LRP2: variants seen among roughly 807,000 people sequenced by gnomAD.
The protein encoded by LRP2 is LDL receptor related protein 2, also known as low-density lipoprotein receptor-related protein 2.
LRP2 carries 172 observed loss-of-function variants against 531.0 expected under a neutral mutation model. The ratio of observed to expected loss-of-function variants is 0.32; its 90% CI spans 0.29 to 0.37. LRP2 has a LOEUF of 0.37. Among genes scored for constraint, LRP2 ranks in the 10% least tolerant of loss-of-function variants. LRP2 has a pLI of 1.00. For missense variants in LRP2, 5,167 were observed against 5,868.3 expected, an observed-to-expected ratio of 0.88 and a Z score of 3.90; for synonymous variants, 1,992 against 2,027.6, an observed-to-expected ratio of 0.98 and a Z score of 0.47.
In LRP2 at chr2:169,362,466, G is replaced by C. The variant is rs1182580549; in HGVS notation, c.-67C>G. On this transcript the variant is annotated 5_prime_UTR_variant, in exon 1 of 79. Coordinates refer to ENST00000649046, the MANE Select transcript of LRP2 (RefSeq NM_004525.3). ...GTGGGCGCGCGTAGCACACCGCACC[G>C]GCAGCGCCTCTGCTAGCGAACGCTC... 9 of 1,365,346 alleles carry C rather than the reference G, an allele frequency of 6.6e-6. No individual in the cohort carries two copies. The highest frequency in any genetic ancestry group is 9.1e-6 in the Non-Finnish European group (9 of 988,532). 84.6% of individuals were successfully genotyped at this position (1,365,346 alleles called of 1,614,324 possible). A position where few individuals can be genotyped will look rare whatever the true frequency, so the allele number is the denominator to read the frequency against.
chr2:169,355,869 T>A (rs2105583515), intron 1 of LRP2, among the ~76,000 whole-genome samples: 1 of 152,344 alleles, frequency 6.6e-6, no homozygotes, highest in East Asian at 1.9e-4. Flanking sequence ...TGGATCAACC[T>A]AATTATCTGT....
chr2:169,338,187 A>C (rs1359020206), intron 1 of LRP2, among the ~76,000 whole-genome samples: 1 of 150,794 alleles, frequency 6.6e-6, no homozygotes, highest in Non-Finnish European at 1.5e-5. Flanking sequence ...AAAGAAAGAA[A>C]GAGAGAAAGA....
intron 1 of LRP2, among the ~76,000 whole-genome samples, chr2:169,333,723 C>T (rs962809632): frequency 6.6e-6 from 1 of 152,058 alleles, no homozygotes; most frequent in Non-Finnish European, 1.5e-5. Flanking sequence ...GGTAGAATGA[C>T]CTTAAATTTC....
At chr2:169,128,858 C>T (rs756476519) in intron 78 of LRP2, 28 bp from the exon 79 acceptor site, 2 of 1,612,768 alleles carry the variant, frequency 1.2e-6, no homozygotes, top group Admixed American at 1.7e-5. Flanking sequence ...CAGGAATCAG[C>T]CATTTATTCC....
intron 68 of LRP2, 108 bp from the exon 69 acceptor site, chr2:169,147,067 C>A: frequency 1.2e-6 from 1 of 869,462 alleles, no homozygotes; most frequent in Non-Finnish European, 1.9e-6. Flanking sequence ...ATCTCAGGGA[C>A]CTGGGTGCTC....
intron 33 of LRP2, among the ~76,000 whole-genome samples, chr2:169,224,920 T>A (rs1559026715): frequency 6.6e-6 from 1 of 151,912 alleles, no homozygotes; most frequent in Non-Finnish European, 1.5e-5. Flanking sequence ...TGAAACCCCG[T>A]CTCTACTAAA....
intron 34 of LRP2, among the ~76,000 whole-genome samples, chr2:169,220,084 G>C (rs1020061292): frequency 6.6e-6 from 1 of 152,072 alleles, no homozygotes; most frequent in Admixed American, 6.6e-5. Flanking sequence ...CTACTAGAAG[G>C]CTTCTCATCC....
intron 3 of LRP2, 36 bp downstream of exon 3, chr2:169,318,726 A>G: frequency 6.2e-7 from 1 of 1,613,898 alleles, no homozygotes; most frequent in Non-Finnish European, 8.5e-7. Flanking sequence ...TTAGGTGTCC[A>G]CAAAGCCAAA....
At position 169,225,460 on chromosome 2, in the gene LRP2, A is replaced by G. The variant is rs1487062553; in HGVS notation, c.5395-7T>C. 2 of 1,613,936 alleles carry G rather than the reference A, an allele frequency of 1.2e-6. No individual in the cohort carries two copies. Reference sequence around the variant, plus strand: ...TCACTCTGTGAATTTCACCCTGGAAAGAAAGACAAGGGGAGGTGAGCAGTT... The same window carrying G: ...TCACTCTGTGAATTTCACCCTGGAAGGAAAGACAAGGGGAGGTGAGCAGTT... On this transcript the variant is annotated splice_region_variant and splice_polypyrimidine_tract_variant and intron_variant, in intron 32 of 78. Transcript: ENST00000649046.
At chr2:169,173,813 TC>T in intron 56 of LRP2, 105 bp downstream of exon 56, 1 of 1,490,180 alleles carries the variant, frequency 6.7e-7, no homozygotes, top group South Asian at 1.1e-5. Context: ...AGGGGGAGCA[TC>T]CCATCAGCTG....
At chr2:169,355,530 C>T (rs1257477617) in intron 1 of LRP2, among the ~76,000 whole-genome samples, 13 of 152,134 alleles carry the variant, frequency 8.5e-5, no homozygotes, top group African/African-American at 3.1e-4. Context: ...ACATCATGAC[C>T]CGGGATTCAG....
At chr2:169,155,059 A>G (rs1223905938) in intron 65 of LRP2, among the ~76,000 whole-genome samples, 1 of 152,214 alleles carries the variant, frequency 6.6e-6, no homozygotes, top group Non-Finnish European at 1.5e-5. Context: ...GATTCTTTTT[A>G]GCAGGTAATC....
At position 169,198,651 on chromosome 2, in the gene LRP2, C is replaced by T. The variant is rs1478446725; in HGVS notation, c.8578+135G>A. 8.0e-6 allele frequency: 8 copies of T among 1,006,002 alleles called. No homozygotes were observed. The Admixed American group carries it at 1.3e-4, about 16-fold the overall frequency. The allele number at this position is 1,006,002 out of a possible 1,614,324, so 62.3% of individuals were successfully genotyped here. ...TGCAATCACATATGAAAGCAACTGCCTACCACCTCTACTTAGAAGGTCAAT... is the reference window on the plus strand; with the variant it reads ...TGCAATCACATATGAAAGCAACTGCTTACCACCTCTACTTAGAAGGTCAAT... On this transcript the variant is annotated intron_variant, in intron 45 of 78. Transcript: ENST00000649046.
chr2:169,319,804 A>C (rs1684863084), intron 2 of LRP2, among the ~76,000 whole-genome samples: 1 of 152,226 alleles, frequency 6.6e-6, no homozygotes, highest in Non-Finnish European at 1.5e-5. Flanking sequence ...TTTGCACTTT[A>C]ATGAGCTCCT....
intron 29 of LRP2, 96 bp downstream of exon 29, chr2:169,235,744 A>G: frequency 1.1e-6 from 1 of 929,114 alleles, no homozygotes; most frequent in Non-Finnish European, 1.7e-6. Context: ...AATGTCTATG[A>G]CACAAAAATT....
chr2:169,238,350 A>C, intron 26 of LRP2, 48 bp from the exon 27 acceptor site: 1 of 1,259,326 alleles, frequency 7.9e-7, no homozygotes, highest in Non-Finnish European at 1.2e-6. Flanking sequence ...GGGAGAAAAC[A>C]CAAAACAACT....
chr2:169,318,578 T>G (rs145291506), intron 3 of LRP2, among the ~76,000 whole-genome samples, 184 bp downstream of exon 3: 79 of 152,342 alleles, frequency 5.2e-4, no homozygotes, highest in African/African-American at 1.9e-3. Flanking sequence ...TCATAATTCT[T>G]CAGTACATCC....
chr2:169,172,253 A>G, intron 57 of LRP2, 119 bp from the exon 58 acceptor site: 1 of 1,171,052 alleles, frequency 8.5e-7, no homozygotes, highest in East Asian at 2.5e-5. Flanking sequence ...AAGCTCCCAA[A>G]GAGAGGAATG....
chr2:169,233,316 C>G lies in LRP2; in HGVS notation c.5098+95G>C. On this transcript the variant is annotated intron_variant, in intron 30 of 78. Coordinates refer to ENST00000649046, the MANE Select transcript of LRP2 (RefSeq NM_004525.3). Reference sequence around the variant, plus strand: ...AAAGAGAAAAGGAAAATGTATTGTCCAAACAAATGGGTCTGTAACAGTGTG... The same window carrying G: ...AAAGAGAAAAGGAAAATGTATTGTCGAAACAAATGGGTCTGTAACAGTGTG... The G allele has an allele frequency of 2.9e-6, 4 of 1,396,572 alleles. No individual in the cohort carries two copies. The Admixed American group carries it at 5.1e-5, about 18-fold the overall frequency. The allele number at this position is 1,396,572 out of a possible 1,614,324, so 86.5% of individuals were successfully genotyped here.
Sources: gnomAD v4.1 joint callset for allele counts (sites outside exome capture counted in the v4.1 genomes callset) on GRCh38, gnomAD v4.1.1 for gene constraint, MANE v1.5 for transcripts, NCBI Gene and HGNC (gene_info 2026-07-23, HGNC 2026-07-21) for gene names.